RDX: variants seen among roughly 807,000 people sequenced by gnomAD.
The protein encoded by RDX is radixin.
In RDX, 32 loss-of-function variants were observed where a neutral mutation model predicts 83.7. The observed-to-expected ratio is 0.38, with a 90% CI of 0.29 to 0.51. RDX has a LOEUF of 0.51. RDX is among the 20% of genes least tolerant of loss of function. The pLI, the probability that RDX is intolerant of heterozygous loss-of-function variation, is 0.87. For synonymous variants in RDX, 229 were observed against 222.7 expected (o/e 1.03, Z -0.25); for missense variants, 600 against 689.9 (o/e 0.87, Z 1.46).
intron 15 of RDX, chr11:110,195,633 C>G (rs1372130459): frequency 6.6e-6 from 1 of 152,224 alleles, no homozygotes; most frequent in East Asian, 1.9e-4. Context: ...AGAAATGTTG[C>G]ATCGATTTCT....
intron 10 of RDX, among the ~76,000 whole-genome samples, chr11:110,238,182 G>A (rs747928565): frequency 2.0e-5 from 3 of 152,070 alleles, no homozygotes; most frequent in Non-Finnish European, 4.4e-5. Flanking sequence ...AGTATTTACT[G>A]ACCCCAAAAT....
intron 10 of RDX, among the ~76,000 whole-genome samples, chr11:110,246,918 G>T (rs1023761665): frequency 6.6e-6 from 1 of 152,136 alleles, no homozygotes; most frequent in African/African-American, 2.4e-5. Context: ...TTTACCAATT[G>T]TAAGAAAGCA....
chr11:110,239,424 C>T (rs1380911001), intron 10 of RDX, among the ~76,000 whole-genome samples: 2 of 152,104 alleles, frequency 1.3e-5, no homozygotes, highest in African/African-American at 2.4e-5. Context: ...AAAGTGTCTA[C>T]AAACTGTCTA....
Position 110,279,711 on chromosome 11 carries a change from A to G in RDX, c.-19T>C, listed in dbSNP as rs749535332. ...TCGGCATTTTCTTTCTCTTTTTGTT[A>G]CCTTCTTTAAAAATTCTCCACTTCA... On this transcript the variant is annotated 5_prime_UTR_variant, in exon 2 of 14. Coordinates refer to ENST00000645495, the MANE Select transcript of RDX (RefSeq NM_002906.4). 4 of 1,511,916 alleles carry G rather than the reference A, an allele frequency of 2.6e-6. No individual in the cohort carries two copies. The highest frequency in any genetic ancestry group is 2.8e-6 in the Non-Finnish European group (3 of 1,090,894). The allele number at this position is 1,511,916 out of a possible 1,614,324, so 93.7% of individuals were successfully genotyped here.
intron 10 of RDX, among the ~76,000 whole-genome samples, chr11:110,241,712 A>G (rs1865106257): frequency 2.0e-5 from 3 of 152,228 alleles, no homozygotes; most frequent in Admixed American, 2.0e-4. Context: ...AAAGAATTGA[A>G]AGTAGGGTCT....
chr11:110,213,095 T>G (rs2134260065), intron 14 of RDX, among the ~76,000 whole-genome samples: 1 of 151,962 alleles, frequency 6.6e-6, no homozygotes, highest in South Asian at 2.1e-4. Flanking sequence ...CCCCATTGTC[T>G]CAGCCCCAAA....
At chr11:110,295,989 G>A (rs1370827443) in intron 1 of RDX, among the ~76,000 whole-genome samples, 2 of 152,244 alleles carry the variant, frequency 1.3e-5, no homozygotes, top group African/African-American at 2.4e-5. Context: ...TGGAGGCCGG[G>A]GAACAAGTTC....
At chr11:110,270,100 T>C (rs950285182) in intron 3 of RDX, among the ~76,000 whole-genome samples, 8 of 152,082 alleles carry the variant, frequency 5.3e-5, no homozygotes, top group African/African-American at 1.9e-4. Context: ...CCATTTACAA[T>C]ATGAACTGTG....
chr11:110,237,784 T>C (rs1864922175), intron 10 of RDX, 132 bp from the exon 11 acceptor site: 1 of 998,948 alleles, frequency 1.0e-6, no homozygotes, highest in East Asian at 2.4e-5. Flanking sequence ...AATACATATA[T>C]ACCTCTTTGT....
intron 10 of RDX, among the ~76,000 whole-genome samples, chr11:110,240,852 C>T (rs1229682505): frequency 2.0e-5 from 3 of 150,424 alleles, no homozygotes; most frequent in Non-Finnish European, 4.4e-5. Flanking sequence ...GTCAGGAGTT[C>T]GAGACCAGCC....
chr11:110,266,651 T>G (rs1860062283), intron 3 of RDX, among the ~76,000 whole-genome samples: 1 of 152,144 alleles, frequency 6.6e-6, no homozygotes, highest in Non-Finnish European at 1.5e-5. Flanking sequence ...CACTGGAGCC[T>G]TGACCTCCTG....
intron 3 of RDX, among the ~76,000 whole-genome samples, chr11:110,266,516 TC>T (rs1259041098): frequency 3.3e-5 from 5 of 150,862 alleles, no homozygotes; most frequent in African/African-American, 1.2e-4. Flanking sequence ...ACAGAAAGAT[TC>T]AATATCAGTT....
intron 14 of RDX, among the ~76,000 whole-genome samples, chr11:110,215,045 A>T (rs1399331329): frequency 1.6e-4 from 15 of 91,750 alleles, no homozygotes; most frequent in East Asian, 4.7e-4. Context: ...ACAAAAAAAA[A>T]AAAAATATAT....
rs141731309 is a variant in RDX, at chr11:110,201,903, TTGTGTGTG to T, written c.1749-2233_1749-2226del. On this transcript the variant is annotated intron_variant, in intron 14 of 15. Coordinates refer to the RDX transcript ENST00000528498. Reference sequence around the variant, plus strand: ...CACATGCCACCACATCCGGCTAATTTTGTGTGTGTGTGTGTGTGTGTGTGTGTGTGTGT... The same window carrying T: ...CACATGCCACCACATCCGGCTAATTTTGTGTGTGTGTGTGTGTGTGTGTGT... Among the ~76,000 whole-genome samples, 728 of 137,290 alleles carry T rather than the reference TTGTGTGTG, an allele frequency of 5.3e-3. 5 individuals carry two copies. Among genetic ancestry groups the T allele is most frequent in the African/African-American group, 7.5e-3 (283 of 37,574 alleles). The allele number at this position is 137,290 out of a possible 152,430, so 90.1% of individuals were successfully genotyped here.
Position 110,272,566 on chromosome 11 carries a change from G to T in RDX, c.66C>A (p.Pro22=). Residue 22 remains proline (P), a synonymous_variant, in exon 3 of 14, where the codon CCC becomes CCA. Transcript: ENST00000645495. ...MDAELEFAIQ[P]NTTGKQLFDQ... is the part of the protein sequence containing the mutation. Reference sequence around the variant, plus strand: ...CAAAAAGTTGTTTGCCAGTTGTATTGGGCTGAATGGCAAATTCCAGCTCAG... The same window carrying T: ...CAAAAAGTTGTTTGCCAGTTGTATTTGGCTGAATGGCAAATTCCAGCTCAG... 1 of 1,612,066 alleles carries T rather than the reference G, an allele frequency of 6.2e-7. No individual in the cohort carries two copies. Among genetic ancestry groups the T allele is most frequent in the Non-Finnish European group, 8.5e-7 (1 of 1,179,102 alleles).
chr11:110,235,159 C>T (rs1248719256), intron 12 of RDX, among the ~76,000 whole-genome samples: 1 of 151,952 alleles, frequency 6.6e-6, no homozygotes, highest in Non-Finnish European at 1.5e-5. Context: ...CAAGACCAAC[C>T]TGGGTTACAC....
chr11:110,269,256 G>A (rs1860194279), intron 3 of RDX, among the ~76,000 whole-genome samples: 2 of 152,172 alleles, frequency 1.3e-5, no homozygotes, highest in Admixed American at 1.3e-4. Context: ...GGGATTACAG[G>A]TGTGGGCCAC....
chr11:110,269,296 C>T (rs967286043), intron 3 of RDX, among the ~76,000 whole-genome samples: 9 of 152,086 alleles, frequency 5.9e-5, no homozygotes, highest in Admixed American at 1.3e-4. Flanking sequence ...TATTTTAATA[C>T]TTCTTTCACC....
chr11:110,181,873 A>G (rs1431564713), intron 15 of RDX: 13 of 152,300 alleles, frequency 8.5e-5, no homozygotes, highest in Admixed American at 7.9e-4. Flanking sequence ...ATTCCGAGAC[A>G]TTGTTACCAC....
Sources: allele counts gnomAD v4.1 joint callset (sites outside exome capture counted in the v4.1 genomes callset), GRCh38; gene constraint gnomAD v4.1.1; transcripts MANE v1.5; gene names NCBI Gene and HGNC (gene_info 2026-07-23, HGNC 2026-07-21).